The following DLGAP1 variants were observed in gnomAD, a reference collection of about 807,000 sequenced individuals.
DLGAP1 encodes the protein disks large-associated protein 1.
DLGAP1 carries 11 observed loss-of-function variants against 90.8 expected under a neutral mutation model. That is an observed-to-expected ratio of 0.12 (90% CI 0.08 to 0.20). The LOEUF (loss-of-function observed/expected upper bound fraction) is 0.20. DLGAP1 is among the 10% of genes least tolerant of loss of function. The pLI is 1.00. For missense variants in DLGAP1, 1,050 were observed against 1,333.8 expected (o/e 0.79, Z 3.31); for synonymous variants, 558 against 540.7 (o/e 1.03, Z -0.44).
intron 9 of DLGAP1, among the ~76,000 whole-genome samples, chr18:3,556,997 T>G (rs577325152): frequency 6.6e-6 from 1 of 152,306 alleles, no homozygotes; most frequent in African/African-American, 2.4e-5. Flanking sequence ...GGTTTTGGTT[T>G]TGTTGATTTT....
At chr18:4,347,967 G>C (rs2081330004) in intron 1 of DLGAP1, among the ~76,000 whole-genome samples, 1 of 151,938 alleles carries the variant, frequency 6.6e-6, no homozygotes, top group Non-Finnish European at 1.5e-5. Flanking sequence ...AAGGCAACAG[G>C]ATATGAAATT....
At chr18:3,589,500 A>G (rs892365944) in intron 7 of DLGAP1, among the ~76,000 whole-genome samples, 1 of 152,190 alleles carries the variant, frequency 6.6e-6, no homozygotes, top group Non-Finnish European at 1.5e-5. Flanking sequence ...TCTTTAAAAC[A>G]TGAGAGAGCA....
At chr18:4,159,950 G>A (rs971795892) in intron 1 of DLGAP1, among the ~76,000 whole-genome samples, 4 of 152,144 alleles carry the variant, frequency 2.6e-5, no homozygotes, top group Non-Finnish European at 5.9e-5. Flanking sequence ...GAAATGTTAA[G>A]GTACTGCCTC....
At chr18:3,590,681 C>A (rs1226284080) in intron 7 of DLGAP1, among the ~76,000 whole-genome samples, 3 of 151,996 alleles carry the variant, frequency 2.0e-5, no homozygotes, top group African/African-American at 4.8e-5. Flanking sequence ...ATGGTGAAAC[C>A]CTGTCTCTAC....
chr18:4,341,105 T>C (rs1379426545), intron 1 of DLGAP1, among the ~76,000 whole-genome samples: 1 of 151,998 alleles, frequency 6.6e-6, no homozygotes, highest in Non-Finnish European at 1.5e-5. Context: ...CTGAGTGAAA[T>C]TCCATAGTCT....
intron 3 of DLGAP1, among the ~76,000 whole-genome samples, chr18:3,895,073 T>C (rs1432365928): frequency 2.0e-5 from 3 of 152,190 alleles, no homozygotes; most frequent in Admixed American, 2.0e-4. Context: ...GGTGTCAGTA[T>C]TAACAAAACT....
At chr18:3,613,001 C>T (rs537358989) in intron 7 of DLGAP1, among the ~76,000 whole-genome samples, 28 of 152,096 alleles carry the variant, frequency 1.8e-4, no homozygotes, top group Middle Eastern at 3.4e-3. Context: ...CCACCATGCC[C>T]GGCTAATTTT....
At chr18:3,807,580 C>T (rs566420285) in intron 5 of DLGAP1, among the ~76,000 whole-genome samples, 65 of 152,270 alleles carry the variant, frequency 4.3e-4, no homozygotes, top group Non-Finnish European at 6.9e-4. Flanking sequence ...GTAAATATCC[C>T]TCCTACTTAA....
At chr18:4,080,496 C>G (rs2075589862) in intron 2 of DLGAP1, among the ~76,000 whole-genome samples, 1 of 149,494 alleles carries the variant, frequency 6.7e-6, no homozygotes, top group Non-Finnish European at 1.5e-5. Flanking sequence ...CTGCAAAGCT[C>G]TCTGTTGGGC....
At chr18:3,715,134 A>G (rs1217973035) in intron 7 of DLGAP1, among the ~76,000 whole-genome samples, 2 of 152,246 alleles carry the variant, frequency 1.3e-5, no homozygotes, top group Admixed American at 6.5e-5. Context: ...CATTCCTGCC[A>G]CATTCCCTCA....
At chr18:3,716,679 AT>A (rs533073940) in intron 7 of DLGAP1, among the ~76,000 whole-genome samples, 1,511 of 149,956 alleles carry the variant, frequency 0.01, 17 homozygotes, top group Non-Finnish European at 0.017. Context: ...TCCTTCTAGT[AT>A]TTTTTTTTTC....
At chr18:3,735,381 GGCTAACT>G (rs1427417615) in intron 6 of DLGAP1, among the ~76,000 whole-genome samples, 1 of 152,096 alleles carries the variant, frequency 6.6e-6, no homozygotes, top group Non-Finnish European at 1.5e-5. Flanking sequence ...CACCACGCCT[GGCTAACT>G]TTTTTTTTGT....
At chr18:4,019,862 C>T (rs1045703216) in intron 2 of DLGAP1, among the ~76,000 whole-genome samples, 3 of 152,100 alleles carry the variant, frequency 2.0e-5, no homozygotes, top group Non-Finnish European at 4.4e-5. Flanking sequence ...CCTCCCAAAA[C>T]CTGAAATTTC....
At chr18:3,654,903 A>G (rs974564692) in intron 7 of DLGAP1, 4 of 152,206 alleles carry the variant, frequency 2.6e-5, no homozygotes, top group African/African-American at 9.7e-5. Context: ...TCTGCCACGA[A>G]TGCCACAAAT....
At chr18:3,863,669 G>A (rs2070219638) in intron 4 of DLGAP1, among the ~76,000 whole-genome samples, 1 of 152,178 alleles carries the variant, frequency 6.6e-6, no homozygotes, top group Non-Finnish European at 1.5e-5. Flanking sequence ...TGGATGCGAT[G>A]TGAATCTGAG....
At chr18:4,264,045 C>T (rs1029371192) in intron 1 of DLGAP1, among the ~76,000 whole-genome samples, 14 of 152,134 alleles carry the variant, frequency 9.2e-5, no homozygotes, top group African/African-American at 2.9e-4. Flanking sequence ...GTCATATGTG[C>T]TTTGTTAAAT....
At chr18:4,321,538 A>T (rs1312186838) in intron 1 of DLGAP1, among the ~76,000 whole-genome samples, 3 of 152,178 alleles carry the variant, frequency 2.0e-5, no homozygotes, top group Non-Finnish European at 2.9e-5. Flanking sequence ...CACAGATCCT[A>T]TTCACATTAA....
intron 7 of DLGAP1, among the ~76,000 whole-genome samples, chr18:3,681,626 CTG>C (rs910333794): frequency 1.1e-4 from 16 of 152,186 alleles, no homozygotes; most frequent in Non-Finnish European, 2.1e-4. Context: ...AAAAAGCCAG[CTG>C]TGTGATTACT....
intron 2 of DLGAP1, among the ~76,000 whole-genome samples, chr18:4,118,188 A>T (rs1292006066): frequency 6.6e-6 from 1 of 152,030 alleles, no homozygotes; most frequent in Non-Finnish European, 1.5e-5. Flanking sequence ...TAAGCATGGA[A>T]TTCTCCACGC....
Sources: gnomAD v4.1 joint callset for allele counts (sites outside exome capture counted in the v4.1 genomes callset) on GRCh38, gnomAD v4.1.1 for gene constraint, MANE v1.5 for transcripts, NCBI Gene and HGNC (gene_info 2026-07-23, HGNC 2026-07-21) for gene names.